Variants in SAMSN1 observed in about 807,000 individuals in gnomAD.
SAMSN1 encodes the protein SAM domain, SH3 domain and nuclear localization signals 1.
A neutral mutation model predicts 42.0 loss-of-function variants in SAMSN1; 31 were observed. The observed-to-expected ratio is 0.74, with a 90% CI of 0.55 to 1.00. The LOEUF is 1.00. Among genes scored for constraint, SAMSN1 ranks in the 50% least tolerant of loss-of-function variants. The pLI is 0.00. For synonymous variants in SAMSN1, 178 were observed against 151.9 expected (o/e 1.17, Z -1.26); for missense variants, 464 against 439.4 (o/e 1.06, Z -0.50).
chr21:14,651,392 T>C (rs1285450971), intron 1 of SAMSN1, among the ~76,000 whole-genome samples: 2 of 151,980 alleles, frequency 1.3e-5, no homozygotes, highest in Non-Finnish European at 2.9e-5. Flanking sequence ...TTCAAATCAA[T>C]CAGTATGATA....
intron 1 of SAMSN1, among the ~76,000 whole-genome samples, chr21:14,649,533 G>C (rs1453865754): frequency 6.6e-6 from 1 of 152,082 alleles, no homozygotes; most frequent in Non-Finnish European, 1.5e-5. Flanking sequence ...ACTTTGAAAG[G>C]CCAAGGTGGA....
upstream of SAMSN1, among the ~76,000 whole-genome samples, chr21:14,586,405 C>A (rs1981920961): frequency 6.6e-6 from 1 of 151,676 alleles, no homozygotes; most frequent in African/African-American, 2.4e-5. Context: ...AGTAACATAC[C>A]TTTTAAATTT....
At chr21:14,648,615 G>C (rs1983766739) in intron 1 of SAMSN1, among the ~76,000 whole-genome samples, 1 of 151,984 alleles carries the variant, frequency 6.6e-6, no homozygotes, top group Non-Finnish European at 1.5e-5. Flanking sequence ...CAAAGGATAT[G>C]AACAGACACT....
In SAMSN1 at chr21:14,601,884, A is replaced by G. The variant is rs902889258; in HGVS notation, c.399+139T>C. 4 of 380,312 alleles carry G rather than the reference A, an allele frequency of 1.1e-5. No homozygotes were observed. In the South Asian group the frequency reaches 3.0e-4, roughly 28 times the overall value. The allele number at this position is 380,312 out of a possible 1,614,324, so 23.6% of individuals were successfully genotyped here. A position where few individuals can be genotyped will look rare whatever the true frequency, so the allele number is the denominator to read the frequency against. Reference sequence around the variant, plus strand: ...AATTCACAGGGACATAAGCATATCAATTATAAAGCAACCTATAATAACTAA... The same window carrying G: ...AATTCACAGGGACATAAGCATATCAGTTATAAAGCAACCTATAATAACTAA... On this transcript the variant is annotated intron_variant, in intron 6 of 15. Coordinates refer to the SAMSN1 transcript ENST00000647101.
At chr21:14,506,189 C>T (rs902670531) in intron 5 of SAMSN1, among the ~76,000 whole-genome samples, 1 of 151,916 alleles carries the variant, frequency 6.6e-6, no homozygotes, top group African/African-American at 2.4e-5. Context: ...ACAAACCAAA[C>T]TCAAACACAG....
At chr21:14,536,240 A>AC (rs1349083371) in intron 1 of SAMSN1, among the ~76,000 whole-genome samples, 3 of 152,238 alleles carry the variant, frequency 2.0e-5, no homozygotes, top group African/African-American at 7.2e-5. Context: ...AAACAAACAA[A>AC]AAAAAACACA....
At chr21:14,503,402 T>C (rs1377545447) in intron 5 of SAMSN1, among the ~76,000 whole-genome samples, 3 of 152,180 alleles carry the variant, frequency 2.0e-5, no homozygotes, top group Non-Finnish European at 4.4e-5. Context: ...CACAAGGAAC[T>C]GAATTCTGTC....
chr21:14,594,166 A>G (rs1426029086), intron 6 of SAMSN1: 2 of 615,948 alleles, frequency 3.2e-6, no homozygotes, highest in African/African-American at 3.7e-5. Context: ...CTACCAAACT[A>G]ATTGGGAAAG....
Position 14,510,281 on chromosome 21 carries a change from T to C in SAMSN1, c.561+29A>G, listed in dbSNP as rs773446139. The C allele has an allele frequency of 1.9e-6, 3 of 1,609,096 alleles. No homozygotes were observed. In the Admixed American group the frequency reaches 5.0e-5, roughly 27 times the overall value. On this transcript the variant is annotated intron_variant, in intron 5 of 7. Transcript: ENST00000400566. ...ATATAATCAGCATTTGACAGACCAT[T>C]CAGAAGGTGGGATATGATGTCCTCT...
At chr21:14,575,842 A>G (rs752072122) in intron 2 of SAMSN1, among the ~76,000 whole-genome samples, 4 of 152,044 alleles carry the variant, frequency 2.6e-5, no homozygotes, top group Non-Finnish European at 5.9e-5. Flanking sequence ...CTCCTTACTC[A>G]CTGTCTTTTT....
intron 4 of SAMSN1, 66 bp from the exon 5 acceptor site, chr21:14,510,527 A>G (rs1300536952): frequency 1.3e-6 from 2 of 1,559,678 alleles, no homozygotes; most frequent in African/African-American, 2.7e-5. Flanking sequence ...TCATCTGGAC[A>G]CAACTAAGTA....
At chr21:14,605,252 A>G (rs933417323) in intron 5 of SAMSN1, among the ~76,000 whole-genome samples, 2 of 152,378 alleles carry the variant, frequency 1.3e-5, no homozygotes, top group African/African-American at 2.4e-5. Flanking sequence ...ATTCATTTGT[A>G]TAAAACACTA....
At chr21:14,654,396 A>T (rs2123400635) in intron 1 of SAMSN1, among the ~76,000 whole-genome samples, 1 of 152,150 alleles carries the variant, frequency 6.6e-6, no homozygotes, top group East Asian at 1.9e-4. Flanking sequence ...ATGTAGGGAA[A>T]CCTAACAGAA....
chr21:14,577,859 C>G (rs1232708232), intron 2 of SAMSN1, among the ~76,000 whole-genome samples: 5 of 152,134 alleles, frequency 3.3e-5, no homozygotes, highest in African/African-American at 1.2e-4. Flanking sequence ...TTACCTTTCT[C>G]AATTTATATC....
At position 14,512,575 on chromosome 21, in the gene SAMSN1, TTCAGAAAACATA is replaced by T. The variant is rs1487882612; in HGVS notation, c.280-14_280-3del. 3.1e-6 allele frequency: 5 copies of T among 1,613,758 alleles called. No individual in the cohort carries two copies. The South Asian group carries it at 5.5e-5, about 18-fold the overall frequency. ...GGCATTCTCTCCATCTTCCTCATCC[TTCAGAAAACATA>T]TCAGAGGTTAGGTACAGAGAGAAGA... On this transcript the variant is annotated splice_region_variant and splice_polypyrimidine_tract_variant and intron_variant, in intron 3 of 7. Transcript: ENST00000400566.
intron 5 of SAMSN1, among the ~76,000 whole-genome samples, chr21:14,501,257 T>G (rs534524600): frequency 4.6e-5 from 7 of 152,348 alleles, no homozygotes; most frequent in African/African-American, 1.7e-4. Context: ...TTGTATCAAT[T>G]TATCAACTTA....
chr21:14,602,029 G>C (rs745560035), exon 6 of SAMSN1: 3 of 688,254 alleles, frequency 4.4e-6, no homozygotes, highest in Non-Finnish European at 8.1e-6. Flanking sequence ...TTACCTGATA[G>C]GAAGTTCCTT....
At chr21:14,586,451 A>G (rs1011747214), upstream of SAMSN1, among the ~76,000 whole-genome samples, 11 of 152,236 alleles carry the variant, frequency 7.2e-5, no homozygotes, top group East Asian at 1.9e-3. Flanking sequence ...CATAAATTAA[A>G]CCTAGCATTC....
intron 1 of SAMSN1, among the ~76,000 whole-genome samples, chr21:14,643,609 G>A (rs1328194176): frequency 6.6e-6 from 1 of 152,146 alleles, no homozygotes; most frequent in Non-Finnish European, 1.5e-5. Flanking sequence ...AGGAGGCGAA[G>A]TAAGATGGCA....
Sources: gnomAD v4.1 joint callset for allele counts (sites outside exome capture counted in the v4.1 genomes callset) on GRCh38, gnomAD v4.1.1 for gene constraint, MANE v1.5 for transcripts, NCBI Gene and HGNC (gene_info 2026-07-23, HGNC 2026-07-21) for gene names.